RBFOX1: variants seen among roughly 807,000 people sequenced by gnomAD.
RBFOX1 encodes the protein RNA binding fox-1 homolog 1.
In RBFOX1, 8 loss-of-function variants were observed where a neutral mutation model predicts 57.7. That is an observed-to-expected ratio of 0.14 (90% CI 0.08 to 0.25). The LOEUF is 0.25. Among genes scored for constraint, RBFOX1 ranks in the 10% least tolerant of loss-of-function variants. RBFOX1 has a pLI of 1.00. For missense variants in RBFOX1, 611 were observed against 548.5 expected, an observed-to-expected ratio of 1.11 and a Z score of -1.14; for synonymous variants, 326 against 222.4, an observed-to-expected ratio of 1.47 and a Z score of -4.15.
At chr16:7,314,908 A>G (rs1266725106) in intron 4 of RBFOX1, among the ~76,000 whole-genome samples, 2 of 152,198 alleles carry the variant, frequency 1.3e-5, no homozygotes, top group African/African-American at 2.4e-5. Context: ...TATCGAGGAC[A>G]TTTATTTTCC....
intron 4 of RBFOX1, among the ~76,000 whole-genome samples, chr16:7,197,807 G>T (rs549896103): frequency 6.6e-6 from 1 of 152,042 alleles, no homozygotes; most frequent in Admixed American, 6.6e-5. Flanking sequence ...CTAAGGGAAG[G>T]AACCAGACAC....
At chr16:6,719,832 C>G (rs2065608448) in intron 3 of RBFOX1, among the ~76,000 whole-genome samples, 1 of 151,988 alleles carries the variant, frequency 6.6e-6, no homozygotes, top group Non-Finnish European at 1.5e-5. Flanking sequence ...GCTGCTCACA[C>G]CTGTAATCTC....
intron 3 of RBFOX1, among the ~76,000 whole-genome samples, chr16:6,766,511 G>T (rs924470006): frequency 4.0e-5 from 6 of 151,700 alleles, no homozygotes; most frequent in Non-Finnish European, 7.4e-5. Context: ...AAAATATTCC[G>T]GAATAGCACT....
intron 3 of RBFOX1, among the ~76,000 whole-genome samples, chr16:6,946,498 C>G (rs56885499): frequency 0.23 from 34,382 of 152,044 alleles, 4,066 homozygotes; most frequent in Middle Eastern, 0.3. Context: ...GTTTTCTCCT[C>G]CTTGTTTTAC....
intron 3 of RBFOX1, among the ~76,000 whole-genome samples, chr16:6,792,332 T>G (rs1465275977): frequency 5.3e-5 from 8 of 152,188 alleles, no homozygotes; most frequent in Non-Finnish European, 1.2e-4. Context: ...TAAGGACGCT[T>G]TCAAGTCCTT....
chr16:5,935,533 C>A (rs756460608), intron 4 of RBFOX1, among the ~76,000 whole-genome samples: 3 of 152,064 alleles, frequency 2.0e-5, no homozygotes, highest in Non-Finnish European at 4.4e-5. Flanking sequence ...TGGACAGTGG[C>A]CTGGAGTGTG....
chr16:7,047,654 C>G (rs902010906), intron 3 of RBFOX1, among the ~76,000 whole-genome samples: 4 of 128,642 alleles, frequency 3.1e-5, no homozygotes, highest in African/African-American at 1.2e-4. Flanking sequence ...TCCTTATATT[C>G]TAGAATTTCA....
intron 2 of RBFOX1, among the ~76,000 whole-genome samples, chr16:6,602,043 A>T (rs1371438423): frequency 6.6e-6 from 1 of 152,098 alleles, no homozygotes; most frequent in Non-Finnish European, 1.5e-5. Context: ...AGGAGAACAA[A>T]GGCGTCCTAT....
intron 3 of RBFOX1, among the ~76,000 whole-genome samples, chr16:6,676,938 A>G (rs1452838447): frequency 6.6e-6 from 1 of 151,880 alleles, no homozygotes; most frequent in African/African-American, 2.4e-5. Flanking sequence ...GGCCTCCCAA[A>G]GTGCTGGGAT....
At chr16:7,332,739 C>G in intron 4 of RBFOX1, 1 of 1,337,910 alleles carries the variant, frequency 7.5e-7, no homozygotes, top group Non-Finnish European at 9.6e-7. Context: ...GCAAGCTGTT[C>G]CCAAAATAGC....
At chr16:7,625,834 G>T (rs1596751776) in intron 10 of RBFOX1, among the ~76,000 whole-genome samples, 1 of 152,098 alleles carries the variant, frequency 6.6e-6, no homozygotes, top group Non-Finnish European at 1.5e-5. Flanking sequence ...GTGTAGCATG[G>T]CTGCCTATCA....
At chr16:6,070,395 C>T (rs2095821591) in intron 1 of RBFOX1, among the ~76,000 whole-genome samples, 1 of 152,168 alleles carries the variant, frequency 6.6e-6, no homozygotes, top group Admixed American at 6.5e-5. Context: ...GATTATCTGC[C>T]TTTTGCAAAC....
At chr16:5,389,145 C>T (rs916709898) in intron 1 of RBFOX1, among the ~76,000 whole-genome samples, 5 of 151,740 alleles carry the variant, frequency 3.3e-5, no homozygotes, top group Admixed American at 6.6e-5. Flanking sequence ...GAGCCGAGAT[C>T]GCGCCACTGC....
chr16:6,785,496 A>G (rs2081799774), intron 3 of RBFOX1, among the ~76,000 whole-genome samples: 1 of 152,184 alleles, frequency 6.6e-6, no homozygotes, highest in East Asian at 1.9e-4. Context: ...TCTGGGCAAC[A>G]CCTTTCCATC....
At chr16:7,440,645 C>G (rs1423486108) in intron 4 of RBFOX1, among the ~76,000 whole-genome samples, 1 of 152,102 alleles carries the variant, frequency 6.6e-6, no homozygotes, top group Non-Finnish European at 1.5e-5. Flanking sequence ...TTTTTAGCCT[C>G]ACAGGTTTTG....
chr16:7,048,202 A>T lies in RBFOX1; in HGVS notation c.-15-3855A>T, dbSNP rs569280467. On this transcript the variant is annotated intron_variant, in intron 3 of 15. Coordinates refer to ENST00000550418, the MANE Select transcript of RBFOX1 (RefSeq NM_018723.4). Reference sequence around the variant, plus strand: ...CCCAATATTTTATTTTTATTTTTTTAAAAAAATTTAGTTATTTTTATGGTT... The same window carrying T: ...CCCAATATTTTATTTTTATTTTTTTTAAAAAATTTAGTTATTTTTATGGTT... Among the ~76,000 whole-genome samples, 75 of 149,732 alleles carry T rather than the reference A, an allele frequency of 5.0e-4. 1 individual carries two copies. Among genetic ancestry groups the T allele is most frequent in the East Asian group, 3.3e-3 (16 of 4,918 alleles).
chr16:6,796,485 C>T (rs973939650), intron 3 of RBFOX1, among the ~76,000 whole-genome samples: 4 of 152,164 alleles, frequency 2.6e-5, no homozygotes, highest in African/African-American at 9.7e-5. Flanking sequence ...TATCATTTTC[C>T]ATTTTCAATA....
chr16:5,790,779 C>A (rs892287808), intron 3 of RBFOX1, among the ~76,000 whole-genome samples: 3 of 152,084 alleles, frequency 2.0e-5, no homozygotes, highest in Non-Finnish European at 4.4e-5. Context: ...CCTCATTTGG[C>A]CTTACAGGAC....
intron 4 of RBFOX1, among the ~76,000 whole-genome samples, chr16:5,974,568 C>G (rs1476711446): frequency 7.2e-5 from 11 of 152,042 alleles, no homozygotes; most frequent in Admixed American, 5.9e-4. Context: ...TGAGATGGCA[C>G]CATTGCACTT....
Sources: allele counts gnomAD v4.1 joint callset (sites outside exome capture counted in the v4.1 genomes callset), GRCh38; gene constraint gnomAD v4.1.1; transcripts MANE v1.5; gene names NCBI Gene and HGNC (gene_info 2026-07-23, HGNC 2026-07-21).